PSMB7: variants seen among roughly 807,000 people sequenced by gnomAD.
PSMB7 encodes proteasome 20S subunit beta 7.
In PSMB7, 5 loss-of-function variants were observed where a neutral mutation model predicts 28.1. The observed-to-expected ratio is 0.18, with a 90% CI of 0.09 to 0.37. The LOEUF (loss-of-function observed/expected upper bound fraction) is 0.37, where lower values mean the gene tolerates loss of function less well. Among genes scored for constraint, PSMB7 ranks in the 10% least tolerant of loss-of-function variants. PSMB7 has a pLI of 1.00. For missense variants in PSMB7, 275 were observed against 346.2 expected, an observed-to-expected ratio of 0.79 and a Z score of 1.63; for synonymous variants, 122 against 123.7, an observed-to-expected ratio of 0.99 and a Z score of 0.09.
At chr9:124,384,395 G>A (rs758296508) in intron 6 of PSMB7, among the ~76,000 whole-genome samples, 26 of 152,160 alleles carry the variant, frequency 1.7e-4, no homozygotes, top group Non-Finnish European at 3.4e-4. Context: ...TAGCGCTGGT[G>A]CCTCAAGCCC....
At chr9:124,377,823 C>T (rs1830628330) in intron 6 of PSMB7, among the ~76,000 whole-genome samples, 1 of 152,188 alleles carries the variant, frequency 6.6e-6, no homozygotes, top group Admixed American at 6.5e-5. Context: ...AGGGTAGGAG[C>T]TCATCCCTCG....
At chr9:124,400,419 G>A (rs954902910) in intron 5 of PSMB7, among the ~76,000 whole-genome samples, 2 of 152,208 alleles carry the variant, frequency 1.3e-5, no homozygotes, top group Admixed American at 1.3e-4. Flanking sequence ...AAAATGCACT[G>A]TCCCTTTTCT....
chr9:124,394,358 G>A (rs936019166), intron 5 of PSMB7, among the ~76,000 whole-genome samples: 3 of 152,172 alleles, frequency 2.0e-5, no homozygotes, highest in African/African-American at 7.2e-5. Context: ...GCATATAAAG[G>A]CACTTTCCTT....
At chr9:124,400,349 TG>T (rs1830888933) in intron 5 of PSMB7, among the ~76,000 whole-genome samples, 1 of 152,236 alleles carries the variant, frequency 6.6e-6, no homozygotes, top group South Asian at 2.1e-4. Flanking sequence ...TATTCTCTAG[TG>T]GGAGTATAAA....
intron 4 of PSMB7, among the ~76,000 whole-genome samples, chr9:124,408,559 GATTAAAATTGTGGAAATT>G (rs544936263): frequency 9.2e-4 from 140 of 152,248 alleles, no homozygotes; most frequent in African/African-American, 3.2e-3. Flanking sequence ...CTTAAAAATT[GATTAAAATTGTGGAAATT>G]TTCCCCCATA....
intron 6 of PSMB7, among the ~76,000 whole-genome samples, chr9:124,370,492 G>A (rs1009012884): frequency 1.9e-5 from 2 of 107,328 alleles, no homozygotes; most frequent in African/African-American, 7.3e-5. Context: ...CAGATCTTCC[G>A]ATATATAAAA....
intron 6 of PSMB7, among the ~76,000 whole-genome samples, chr9:124,370,520 C>G (rs2131150456): frequency 6.6e-6 from 1 of 152,308 alleles, no homozygotes; most frequent in East Asian, 1.9e-4. Flanking sequence ...ACTTTCCCCC[C>G]TTGAGTTGAT....
intron 3 of PSMB7, 99 bp from the exon 4 acceptor site, chr9:124,412,591 G>A: frequency 2.3e-6 from 3 of 1,289,766 alleles, no homozygotes; most frequent in Non-Finnish European, 3.2e-6. Context: ...TTCAGGTACA[G>A]AGAGATGTTT....
chr9:124,393,820 C>T (rs1830815035), intron 5 of PSMB7, among the ~76,000 whole-genome samples: 1 of 152,198 alleles, frequency 6.6e-6, no homozygotes, highest in African/African-American at 2.4e-5. Flanking sequence ...TGAAATGTCA[C>T]AAGATATGGA....
chr9:124,360,384 G>C (rs1048902625), intron 6 of PSMB7, among the ~76,000 whole-genome samples: 2 of 152,216 alleles, frequency 1.3e-5, no homozygotes, highest in African/African-American at 4.8e-5. Context: ...CTAGGGCCTG[G>C]GCAGCATCTG....
intron 6 of PSMB7, among the ~76,000 whole-genome samples, chr9:124,363,123 A>T (rs1830478260): frequency 6.6e-6 from 1 of 152,208 alleles, no homozygotes; most frequent in African/African-American, 2.4e-5. Flanking sequence ...TGAAAAAACG[A>T]AACGTTCACT....
chr9:124,357,545 T>C (rs1397606942), intron 6 of PSMB7, among the ~76,000 whole-genome samples: 1 of 152,214 alleles, frequency 6.6e-6, no homozygotes, highest in Non-Finnish European at 1.5e-5. Context: ...GAATAATCTC[T>C]CTCTCCTACT....
chr9:124,354,682 A>G (rs1830380043), intron 7 of PSMB7, among the ~76,000 whole-genome samples: 1 of 152,108 alleles, frequency 6.6e-6, no homozygotes, highest in African/African-American at 2.4e-5. Flanking sequence ...CCACCCTCTT[A>G]AAGAATCCAA....
chr9:124,363,030 T>C (rs1424277560), intron 6 of PSMB7, among the ~76,000 whole-genome samples: 1 of 152,226 alleles, frequency 6.6e-6, no homozygotes, highest in East Asian at 1.9e-4. Flanking sequence ...ATGAAAATTC[T>C]GAACATCAGG....
At chr9:124,402,771 C>G (rs1441994692) in intron 5 of PSMB7, among the ~76,000 whole-genome samples, 1 of 152,116 alleles carries the variant, frequency 6.6e-6, no homozygotes, top group Non-Finnish European at 1.5e-5. Flanking sequence ...TTAAAGGTAT[C>G]AGATGGGGAG....
intron 5 of PSMB7, chr9:124,396,848 C>T (rs1236897925): frequency 2.1e-6 from 1 of 469,398 alleles, no homozygotes; most frequent in Non-Finnish European, 4.4e-6. Context: ...TAAAGAAAAG[C>T]TGGCAAGTTC....
intron 4 of PSMB7, among the ~76,000 whole-genome samples, chr9:124,405,762 G>A (rs1390523018): frequency 6.6e-6 from 1 of 152,118 alleles, no homozygotes; most frequent in African/African-American, 2.4e-5. Context: ...GCTCACTGCA[G>A]CCTCAACCTC....
In PSMB7 at chr9:124,356,672, G is replaced by C. The variant is rs1351437544; in HGVS notation, c.722+92C>G. The stretch of plus-strand genomic sequence containing the variant: ...ACACTGGATGTACTTAATGTGGAAA[G>C]AACCAGGAAAACTCCATCCAGATGC... On this transcript the variant is annotated intron_variant, in intron 7 of 7. Transcript: ENST00000259457. This position sits in a 1 kb window ranked among gnomAD's most constrained non-coding sequence, Gnocchi z 4.4. 1 of 1,410,024 alleles carries C rather than the reference G, an allele frequency of 7.1e-7. No homozygotes were observed. The highest frequency in any genetic ancestry group is 9.7e-7 in the Non-Finnish European group (1 of 1,031,486). 87.3% of individuals were successfully genotyped at this position (1,410,024 alleles called of 1,614,324 possible). A position where few individuals can be genotyped will look rare whatever the true frequency, so the allele number is the denominator to read the frequency against.
At chr9:124,361,896 C>T (rs544656183) in intron 6 of PSMB7, among the ~76,000 whole-genome samples, 39 of 152,334 alleles carry the variant, frequency 2.6e-4, no homozygotes, top group African/African-American at 9.1e-4. Context: ...CAGCTACAAT[C>T]GAATTTCTCT....
Sources: allele counts gnomAD v4.1 joint callset (sites outside exome capture counted in the v4.1 genomes callset), GRCh38; gene constraint gnomAD v4.1.1; non-coding constraint Gnocchi (gnomAD v3.1); transcripts MANE v1.5; gene names NCBI Gene and HGNC (gene_info 2026-07-23, HGNC 2026-07-21).